The following RPIA variants were observed in gnomAD, a reference collection of about 807,000 sequenced individuals.
The protein encoded by RPIA is ribose-5-phosphate isomerase.
RPIA carries 29 observed loss-of-function variants against 37.8 expected under a neutral mutation model. That is an observed-to-expected ratio of 0.77 (90% CI 0.57 to 1.05). The LOEUF is 1.05. Ranked by LOEUF, RPIA falls within the 50% of genes least tolerant of loss-of-function variation. The pLI, the probability that RPIA is intolerant of heterozygous loss-of-function variation, is 0.00. For synonymous variants in RPIA, 167 were observed against 157.0 expected (o/e 1.06, Z -0.48); for missense variants, 385 against 413.6 (o/e 0.93, Z 0.60).
intron 1 of RPIA, among the ~76,000 whole-genome samples, chr2:88,697,770 A>T (rs573820753): frequency 9.2e-5 from 14 of 152,296 alleles, no homozygotes; most frequent in African/African-American, 3.1e-4. Context: ...ATTTTCTCTG[A>T]GGCAGGCTCA....
rs1379016602 is a variant in RPIA, at chr2:88,691,692, C to A, written c.-7C>A. 1 of 1,568,168 alleles carries A rather than the reference C, an allele frequency of 6.4e-7. No individual in the cohort carries two copies. ...GACTTCAGCGGAGGCCGGAGCGAGG[C>A]GTCGGGATGCAGCGCCCCGGGCCCT... On this transcript the variant is annotated 5_prime_UTR_variant, in exon 1 of 9. Transcript: ENST00000283646.
chr2:88,704,629 T>C (rs2222029), intron 3 of RPIA, among the ~76,000 whole-genome samples: 75,439 of 151,986 alleles, frequency 0.5, 20,219 homozygotes, highest in African/African-American at 0.71. Flanking sequence ...ACCATATCAC[T>C]TCTGTACCAT....
intron 3 of RPIA, among the ~76,000 whole-genome samples, chr2:88,721,481 TTTA>T (rs376783926): frequency 0.019 from 2,776 of 147,194 alleles, 87 homozygotes; most frequent in African/African-American, 0.063. Flanking sequence ...AGTATATTGT[TTTA>T]TTATTATAAT....
intron 1 of RPIA, among the ~76,000 whole-genome samples, chr2:88,697,258 C>T (rs1672760931): frequency 6.6e-6 from 1 of 152,176 alleles, no homozygotes; most frequent in African/African-American, 2.4e-5. Flanking sequence ...TTAAGTTTTT[C>T]CTTACAATAT....
At chr2:88,714,913 C>G (rs911522681) in intron 3 of RPIA, among the ~76,000 whole-genome samples, 5 of 152,162 alleles carry the variant, frequency 3.3e-5, no homozygotes, top group African/African-American at 1.2e-4. Context: ...ATCCTAAGAC[C>G]AGCGTTTGAC....
chr2:88,692,014 G>GC, intron 1 of RPIA, 31 bp downstream of exon 1: 5 of 1,555,222 alleles, frequency 3.2e-6, no homozygotes, highest in African/African-American at 1.4e-5. Context: ...GGCGCGGGGC[G>GC]CATGTCCTTG....
At chr2:88,745,512 A>C (rs1673429072) in intron 8 of RPIA, among the ~76,000 whole-genome samples, 1 of 152,178 alleles carries the variant, frequency 6.6e-6, no homozygotes, top group South Asian at 2.1e-4. Context: ...TCTGAAAATG[A>C]CTGTATCTCT....
chr2:88,729,201 A>C, intron 3 of RPIA, 77 bp from the exon 4 acceptor site: 1 of 1,510,914 alleles, frequency 6.6e-7, no homozygotes, highest in Non-Finnish European at 9.2e-7. Flanking sequence ...TGGGACACTT[A>C]AATCCAGAAG....
chr2:88,727,088 T>C (rs1386151565), intron 3 of RPIA, among the ~76,000 whole-genome samples: 2 of 152,068 alleles, frequency 1.3e-5, no homozygotes, highest in African/African-American at 4.8e-5. Flanking sequence ...TGCGTGCGTG[T>C]GTGTGTGTGC....
chr2:88,744,000 A>G (rs1391218576), intron 8 of RPIA, among the ~76,000 whole-genome samples: 1 of 151,806 alleles, frequency 6.6e-6, no homozygotes, highest in East Asian at 1.9e-4. Context: ...TTTTGTTTCA[A>G]TTTCATTTAG....
At chr2:88,740,875 G>T (rs1673373734) in intron 8 of RPIA, among the ~76,000 whole-genome samples, 1 of 152,108 alleles carries the variant, frequency 6.6e-6, no homozygotes, top group Non-Finnish European at 1.5e-5. Flanking sequence ...CAGACATTTT[G>T]AAAACGGGTC....
rs141226190 is a variant in RPIA at position 88,742,389 on chromosome 2, T to C, written c.838+4313T>C. Reference sequence around the variant, plus strand: ...TTTGGCTTTATTTCTGGCTTCTCTATTCTATTCCATTGGTCTATATGCCTG... The same window carrying C: ...TTTGGCTTTATTTCTGGCTTCTCTACTCTATTCCATTGGTCTATATGCCTG... On this transcript the variant is annotated intron_variant, in intron 8 of 8. Transcript: ENST00000283646. Among the ~76,000 whole-genome samples, 985 of 152,338 alleles carry C rather than the reference T, an allele frequency of 6.5e-3. 8 individuals carry two copies. Among genetic ancestry groups the C allele is most frequent in the African/African-American group, 0.023 (957 of 41,568 alleles).
Position 88,734,567 on chromosome 2 carries a change from G to A in RPIA, c.478G>A (p.Asp160Asn), listed in dbSNP as rs946326998. The change falls in exon 5 of 9, where the codon GAT (aspartate) becomes AAT (asparagine). Residue 160 changes from aspartate (D) to asparagine (N), a missense_variant. Physicochemically the swap from Asp to Asn is conservative, Grantham distance 23. Around this residue, in one of 2 missense-constraint regions of RPIA, gnomAD observed 153 missense variants for 210.6 expected, o/e 0.73. Coordinates refer to ENST00000283646, the MANE Select transcript of RPIA (RefSeq NM_144563.3). ...DRHPEIDLAI[D>N]GADEVDADLN... Reference sequence around the variant, plus strand: ...CCCAATACAGATCGACCTTGCCATCGATGGTGCTGATGAAGTAGATGCTGA... The same window carrying A: ...CCCAATACAGATCGACCTTGCCATCAATGGTGCTGATGAAGTAGATGCTGA... 4 of 1,614,046 alleles carry A rather than the reference G, an allele frequency of 2.5e-6. No homozygotes were observed. The highest frequency in any genetic ancestry group is 2.2e-5 in the East Asian group (1 of 44,888).
At chr2:88,709,002 C>T (rs1050856799) in intron 3 of RPIA, among the ~76,000 whole-genome samples, 3 of 152,162 alleles carry the variant, frequency 2.0e-5, no homozygotes, top group Admixed American at 6.5e-5. Flanking sequence ...GTGATCCACC[C>T]GCCTGGGCCT....
intron 4 of RPIA, 131 bp from the exon 5 acceptor site, chr2:88,734,421 G>T (rs1673290348): frequency 1.2e-6 from 1 of 845,362 alleles, no homozygotes; most frequent in Non-Finnish European, 2.0e-6. Context: ...TCAATTTCTT[G>T]ATTTGCTAAA....
At chr2:88,695,592 G>A (rs114850041) in intron 1 of RPIA, among the ~76,000 whole-genome samples, 1 of 152,184 alleles carries the variant, frequency 6.6e-6, no homozygotes, top group African/African-American at 2.4e-5. Context: ...TTATATGTGA[G>A]ATATTTAGCC....
intron 8 of RPIA, among the ~76,000 whole-genome samples, chr2:88,739,738 G>A (rs570481457): frequency 4.6e-5 from 7 of 152,070 alleles, no homozygotes; most frequent in South Asian, 2.1e-4. Context: ...CCATTTCAGC[G>A]TCCCCAGTAG....
chr2:88,747,569 G>A (rs190681729), intron 8 of RPIA, among the ~76,000 whole-genome samples: 89 of 152,062 alleles, frequency 5.9e-4, no homozygotes, highest in African/African-American at 1.8e-3. Flanking sequence ...TTTTTTTCCC[G>A]AAGGACCCCT....
At chr2:88,694,670 C>T (rs1175005797) in intron 1 of RPIA, among the ~76,000 whole-genome samples, 1 of 152,152 alleles carries the variant, frequency 6.6e-6, no homozygotes, top group Non-Finnish European at 1.5e-5. Context: ...CTTACCTTCT[C>T]CTTCCCTCCT....
Sources: gnomAD v4.1 joint callset for allele counts (sites outside exome capture counted in the v4.1 genomes callset) on GRCh38, gnomAD v4.1.1 for gene constraint, gnomAD v4.1.1 regional missense constraint, MANE v1.5 for transcripts, NCBI Gene and HGNC (gene_info 2026-07-23, HGNC 2026-07-21) for gene names.